SLIT3: variants seen among roughly 807,000 people sequenced by gnomAD.
SLIT3 encodes the protein slit guidance ligand 3, also known as slit homolog 3 protein.
In SLIT3, 68 loss-of-function variants were observed where a neutral mutation model predicts 184.0. That is an observed-to-expected ratio of 0.37 (90% CI 0.30 to 0.45). The LOEUF (loss-of-function observed/expected upper bound fraction) is 0.45, where lower values mean the gene tolerates loss of function less well. Among genes scored for constraint, SLIT3 ranks in the 20% least tolerant of loss-of-function variants. The pLI is 1.00. For missense variants in SLIT3, 1,707 were observed against 2,026.0 expected, an observed-to-expected ratio of 0.84 and a Z score of 3.02; for synonymous variants, 831 against 828.6, an observed-to-expected ratio of 1.00 and a Z score of -0.05.
intron 3 of SLIT3, among the ~76,000 whole-genome samples, chr5:169,238,750 C>G (rs953632559): frequency 6.6e-6 from 1 of 152,024 alleles, no homozygotes; most frequent in Non-Finnish European, 1.5e-5. Context: ...AATGTTAGAC[C>G]TTTCCTAGGA....
chr5:169,084,934 A>T (rs1467612567), intron 4 of SLIT3, among the ~76,000 whole-genome samples: 1 of 151,848 alleles, frequency 6.6e-6, no homozygotes, highest in Non-Finnish European at 1.5e-5. Flanking sequence ...CACCTGACCA[A>T]CCTCACCCAT....
intron 3 of SLIT3, among the ~76,000 whole-genome samples, chr5:169,200,101 T>A (rs572842684): frequency 2.0e-5 from 3 of 152,306 alleles, no homozygotes; most frequent in African/African-American, 7.2e-5. Context: ...TTCAGAGGTA[T>A]CAACCTCACT....
chr5:169,047,036 G>C (rs140142943), intron 4 of SLIT3, among the ~76,000 whole-genome samples: 3 of 152,116 alleles, frequency 2.0e-5, no homozygotes, highest in African/African-American at 7.2e-5. Flanking sequence ...ATTTAAGGAG[G>C]ATTCAAGTTC....
chr5:169,216,100 G>C (rs1288982852), intron 3 of SLIT3, among the ~76,000 whole-genome samples: 9 of 152,096 alleles, frequency 5.9e-5, no homozygotes, highest in Admixed American at 5.9e-4. Context: ...CCCTCACTCA[G>C]TGCCTGGAAT....
intron 1 of SLIT3, among the ~76,000 whole-genome samples, chr5:169,261,556 C>A (rs542135055): frequency 1.3e-4 from 20 of 152,048 alleles, no homozygotes; most frequent in African/African-American, 4.8e-4. Flanking sequence ...AAAATCCCTC[C>A]CTCCTTTCCT....
At chr5:168,861,625 A>C (rs1290858299) in intron 5 of SLIT3, among the ~76,000 whole-genome samples, 1 of 152,132 alleles carries the variant, frequency 6.6e-6, no homozygotes, top group Non-Finnish European at 1.5e-5. Flanking sequence ...TACCAAGAAG[A>C]CTCATCTTCC....
At chr5:168,970,103 C>T (rs545670028) in intron 4 of SLIT3, among the ~76,000 whole-genome samples, 49 of 152,092 alleles carry the variant, frequency 3.2e-4, no homozygotes, top group Admixed American at 5.9e-4. Context: ...ATAGTGTGAA[C>T]CCAGGAGGCG....
chr5:169,296,687 T>C (rs181371805), intron 1 of SLIT3, among the ~76,000 whole-genome samples: 10 of 152,306 alleles, frequency 6.6e-5, no homozygotes, highest in Admixed American at 6.5e-4. Context: ...CAGTTTTTAT[T>C]GGGCCCAACC....
chr5:169,233,283 A>C (rs551782321), intron 3 of SLIT3, among the ~76,000 whole-genome samples: 4 of 152,272 alleles, frequency 2.6e-5, no homozygotes, highest in Admixed American at 1.3e-4. Context: ...TCGGCTTCCC[A>C]AAGTGCTGGG....
intron 4 of SLIT3, among the ~76,000 whole-genome samples, chr5:168,955,988 C>T (rs765072249): frequency 3.3e-5 from 5 of 152,140 alleles, no homozygotes; most frequent in East Asian, 1.9e-4. Flanking sequence ...GTGTCCATAG[C>T]GGCAAAATGA....
At chr5:169,159,586 T>C (rs1463584184) in intron 4 of SLIT3, among the ~76,000 whole-genome samples, 1 of 152,018 alleles carries the variant, frequency 6.6e-6, no homozygotes, top group African/African-American at 2.4e-5. Flanking sequence ...CCACCCTGGC[T>C]AACATGGTGA....
At chr5:168,777,738 G>A (rs980053447) in intron 12 of SLIT3, among the ~76,000 whole-genome samples, 1 of 152,176 alleles carries the variant, frequency 6.6e-6, no homozygotes, top group Admixed American at 6.5e-5. Flanking sequence ...TGTAGGTGCA[G>A]GGAGAGATAA....
intron 18 of SLIT3, among the ~76,000 whole-genome samples, chr5:168,752,053 T>C (rs1025598652): frequency 1.3e-5 from 2 of 152,128 alleles, no homozygotes; most frequent in African/African-American, 4.8e-5. Context: ...GTGACATCTT[T>C]TTAAAACCCC....
chr5:168,662,645 G>A lies in SLIT3; in HGVS notation c.*3809C>T, dbSNP rs113623319. On this transcript the variant is annotated 3_prime_UTR_variant, in exon 36 of 36. Transcript: ENST00000519560. ...ATAACAACAGCATCTTACATTTAAG[G>A]TTTTTAGTTTACACTTTACAAAGAA... The A allele has an allele frequency of 2.0e-5, 3 of 152,222 alleles. No individual in the cohort carries two copies. Among genetic ancestry groups the A allele is most frequent in the African/African-American group, 7.2e-5 (3 of 41,460 alleles). 9.4% of individuals were successfully genotyped at this position (152,222 alleles called of 1,614,324 possible).
Position 168,773,080 on chromosome 5 carries a change from G to C in SLIT3, c.1296-136C>G, listed in dbSNP as rs56952408. On this transcript the variant is annotated intron_variant, in intron 13 of 35. Transcript: ENST00000519560. The stretch of plus-strand genomic sequence containing the variant: ...TGCCTCATCGCCCCAGGAAGCCTTA[G>C]GGGGTGCTACTTTCAGACAGGGCTC... 6,722 of 868,956 alleles carry C rather than the reference G, an allele frequency of 7.7e-3. 340 individuals carry two copies. In the African/African-American group the frequency reaches 0.1, roughly 13 times the overall value. The allele number at this position is 868,956 out of a possible 1,614,324, so 53.8% of individuals were successfully genotyped here.
At chr5:168,948,063 A>G (rs141321163) in intron 4 of SLIT3, among the ~76,000 whole-genome samples, 2,789 of 152,182 alleles carry the variant, frequency 0.018, 41 homozygotes, top group East Asian at 0.032. Flanking sequence ...AAGTGCTGGG[A>G]TTACAGGCCT....
chr5:168,666,457 G>GGAACACGC lies in SLIT3; in HGVS notation c.4561_4568dup (p.Ter1524ArgfsTer53). On this transcript the variant is annotated frameshift_variant, in exon 36 of 36. Transcript: ENST00000519560. LOFTEE classifies it high-confidence loss of function. ...TGGCAGGCAGGCGGGCAGGGGCTTA[G>GGAACACGC]GAACACGCGAGGCAGCCGCACTCTA... 1 of 1,562,634 alleles carries GGAACACGC rather than the reference G, an allele frequency of 6.4e-7. No individual in the cohort carries two copies. Among genetic ancestry groups the GGAACACGC allele is most frequent in the Non-Finnish European group, 8.7e-7 (1 of 1,150,842 alleles).
At chr5:169,113,658 C>CTT (rs869209479) in intron 4 of SLIT3, among the ~76,000 whole-genome samples, 79 of 131,368 alleles carry the variant, frequency 6.0e-4, no homozygotes, top group East Asian at 3.6e-3. Context: ...TTTTCTTTTT[C>CTT]TTTTTTTTTT....
intron 4 of SLIT3, among the ~76,000 whole-genome samples, chr5:169,188,786 AG>A (rs1763445827): frequency 6.6e-6 from 1 of 152,218 alleles, no homozygotes; most frequent in Admixed American, 6.5e-5. Context: ...AACAACATGG[AG>A]AGGTCAGTTC....
Sources: gnomAD v4.1 joint callset for allele counts (sites outside exome capture counted in the v4.1 genomes callset) on GRCh38, gnomAD v4.1.1 for gene constraint, MANE v1.5 for transcripts, NCBI Gene and HGNC (gene_info 2026-07-23, HGNC 2026-07-21) for gene names.